CDH18: variants seen among roughly 807,000 people sequenced by gnomAD.
CDH18 encodes the protein cadherin 18.
A neutral mutation model predicts 67.9 loss-of-function variants in CDH18; 31 were observed. The ratio of observed to expected loss-of-function variants is 0.46; its 90% CI spans 0.34 to 0.62. The LOEUF is 0.62. CDH18 is among the 20% of genes least tolerant of loss of function. The pLI, the probability that CDH18 is intolerant of heterozygous loss-of-function variation, is 0.01. For missense variants in CDH18, 890 were observed against 975.5 expected, an observed-to-expected ratio of 0.91 and a Z score of 1.17; for synonymous variants, 362 against 347.2, an observed-to-expected ratio of 1.04 and a Z score of -0.48.
intron 5 of CDH18, among the ~76,000 whole-genome samples, chr5:19,652,290 G>T (rs1395349945): frequency 6.6e-6 from 1 of 152,010 alleles, no homozygotes; most frequent in Non-Finnish European, 1.5e-5. Flanking sequence ...TGCTATGAGA[G>T]AAATTAGCAA....
intron 5 of CDH18, among the ~76,000 whole-genome samples, chr5:19,640,459 A>G (rs1056269332): frequency 1.3e-5 from 2 of 152,126 alleles, no homozygotes; most frequent in African/African-American, 4.8e-5. Context: ...ATCAATTCAA[A>G]AACAGATAAA....
intron 7 of CDH18, among the ~76,000 whole-genome samples, chr5:19,577,999 G>A (rs1020345424): frequency 1.3e-5 from 2 of 152,150 alleles, no homozygotes; most frequent in African/African-American, 4.8e-5. Context: ...GCCATGAGCT[G>A]AGGAACAACT....
intron 11 of CDH18, among the ~76,000 whole-genome samples, chr5:19,490,916 A>AT (rs1032904725): frequency 6.6e-6 from 1 of 152,164 alleles, no homozygotes; most frequent in Non-Finnish European, 1.5e-5. Flanking sequence ...TAAAACAACA[A>AT]TTAATAGAGT....
At position 19,933,154 on chromosome 5, in the gene CDH18, G is replaced by A. The variant is rs549263681; in HGVS notation, c.-257+47906C>T. On this transcript the variant is annotated intron_variant, in intron 2 of 12. Coordinates refer to ENST00000382275, the MANE Select transcript of CDH18 (RefSeq NM_004934.5). ...TTCTCCCCTTTAATCCTTATTCTAG[G>A]TTGATGATCATATTTCCCATTTAAC... is the stretch of plus-strand genomic sequence containing the variant. Among the ~76,000 whole-genome samples, 5 of 151,274 alleles carry A rather than the reference G, an allele frequency of 3.3e-5. No homozygotes were observed. The South Asian group carries it at 1.0e-3, about 31-fold the overall frequency.
chr5:20,318,305 G>T (rs1209726955), intron 1 of CDH18, among the ~76,000 whole-genome samples: 1 of 152,022 alleles, frequency 6.6e-6, no homozygotes, highest in African/African-American at 2.4e-5. Flanking sequence ...TCCCAAAAAA[G>T]TTACTGGCAC....
At chr5:20,473,221 AAAAC>A (rs1332529474) in intron 1 of CDH18, among the ~76,000 whole-genome samples, 2 of 152,186 alleles carry the variant, frequency 1.3e-5, no homozygotes, top group African/African-American at 4.8e-5. Flanking sequence ...TATTTGTTAA[AAAAC>A]AAAAACAAAA....
chr5:19,611,564 G>T (rs983905647), intron 6 of CDH18, among the ~76,000 whole-genome samples: 2 of 152,048 alleles, frequency 1.3e-5, no homozygotes, highest in African/African-American at 2.4e-5. Context: ...AGAGACAAGA[G>T]ATAAAGTTGA....
At chr5:19,508,773 A>G (rs973384914) in intron 10 of CDH18, among the ~76,000 whole-genome samples, 5 of 152,120 alleles carry the variant, frequency 3.3e-5, no homozygotes, top group Non-Finnish European at 7.4e-5. Context: ...ACAAATATAT[A>G]AAATTTGTCT....
intron 1 of CDH18, among the ~76,000 whole-genome samples, chr5:20,458,371 A>T (rs1750987344): frequency 6.6e-6 from 1 of 152,162 alleles, no homozygotes; most frequent in African/African-American, 2.4e-5. Context: ...TAATCCAAGC[A>T]CTTTGGGAGG....
intron 2 of CDH18, among the ~76,000 whole-genome samples, chr5:20,010,159 GGTGTGTGTGTGTGTGT>G (rs35461877): frequency 6.8e-6 from 1 of 146,294 alleles, no homozygotes; most frequent in Non-Finnish European, 1.5e-5. Flanking sequence ...AGTGGAAAGT[GGTGTGTGTGTGTGTGT>G]GTGTGTGTGT....
At chr5:19,686,743 A>G (rs956056158) in intron 5 of CDH18, among the ~76,000 whole-genome samples, 2 of 152,194 alleles carry the variant, frequency 1.3e-5, no homozygotes, top group Non-Finnish European at 2.9e-5. Context: ...AGTTCATTAA[A>G]TCACTACTTT....
At chr5:20,434,938 G>T (rs1245641335) in intron 1 of CDH18, among the ~76,000 whole-genome samples, 2 of 152,032 alleles carry the variant, frequency 1.3e-5, no homozygotes, top group African/African-American at 4.8e-5. Context: ...CTCTTGGAAG[G>T]GGTATGCATA....
At chr5:19,564,934 C>T (rs1453211630) in intron 8 of CDH18, among the ~76,000 whole-genome samples, 1 of 151,990 alleles carries the variant, frequency 6.6e-6, no homozygotes, top group South Asian at 2.1e-4. Context: ...CAGTACATAC[C>T]ACATGGGGAG....
intron 11 of CDH18, among the ~76,000 whole-genome samples, chr5:19,500,008 T>C (rs563709556): frequency 2.9e-4 from 44 of 152,150 alleles, no homozygotes; most frequent in African/African-American, 9.9e-4. Context: ...TATTTCTTTA[T>C]ATTCTGGGGG....
intron 1 of CDH18, among the ~76,000 whole-genome samples, chr5:20,356,719 GTCTCTCTCTCTCTC>G (rs199599355): frequency 2.3e-5 from 3 of 130,024 alleles, no homozygotes; most frequent in South Asian, 2.6e-4. Context: ...ATATACCAAG[GTCTCTCTCTCTCTC>G]TCTCTCTCTC....
chr5:19,963,742 T>C (rs1279055002), intron 2 of CDH18, among the ~76,000 whole-genome samples: 1 of 151,806 alleles, frequency 6.6e-6, no homozygotes, highest in African/African-American at 2.4e-5. Context: ...ATTAGCAGCA[T>C]GAGAATGGAC....
At chr5:20,253,320 C>T (rs1194162315) in intron 2 of CDH18, among the ~76,000 whole-genome samples, 2 of 152,122 alleles carry the variant, frequency 1.3e-5, no homozygotes, top group Admixed American at 6.5e-5. Context: ...GAGGAAGAAT[C>T]AGCAGAATAA....
intron 1 of CDH18, among the ~76,000 whole-genome samples, chr5:20,521,114 G>A (rs1020692690): frequency 6.6e-6 from 1 of 152,168 alleles, no homozygotes; most frequent in African/African-American, 2.4e-5. Flanking sequence ...AATTGACCCA[G>A]ATATTACACC....
chr5:20,559,518 T>C (rs887661739), intron 1 of CDH18, among the ~76,000 whole-genome samples: 3 of 152,238 alleles, frequency 2.0e-5, no homozygotes, highest in Admixed American at 1.3e-4. Context: ...AGTACTCAAT[T>C]TTCAGCAATT....
Sources: gnomAD v4.1 joint callset for allele counts (sites outside exome capture counted in the v4.1 genomes callset) on GRCh38, gnomAD v4.1.1 for gene constraint, MANE v1.5 for transcripts, NCBI Gene and HGNC (gene_info 2026-07-23, HGNC 2026-07-21) for gene names.